CCDC138: variants seen among roughly 807,000 people sequenced by gnomAD.
CCDC138 encodes coiled-coil domain containing 138, also known as coiled-coil domain-containing protein 138.
Under a neutral mutation model 82.3 loss-of-function variants are expected in CCDC138, and 66 were observed. The ratio of observed to expected loss-of-function variants is 0.80; its 90% CI spans 0.66 to 0.98. The LOEUF is 0.98. Among genes scored for constraint, CCDC138 ranks in the 50% least tolerant of loss-of-function variants. The pLI, the probability that CCDC138 is intolerant of heterozygous loss-of-function variation, is 0.00. For synonymous variants in CCDC138, 297 were observed against 265.4 expected, an observed-to-expected ratio of 1.12 and a Z score of -1.16; for missense variants, 816 against 758.9, an observed-to-expected ratio of 1.08 and a Z score of -0.88.
In CCDC138 at chr2:108,875,186, ACTAGACAAGGAAATAAGAAACAAAG is replaced by A. The variant is rs539060068; in HGVS notation, c.1833-854_1833-830del. Among the ~76,000 whole-genome samples, 265 of 151,930 alleles carry A rather than the reference ACTAGACAAGGAAATAAGAAACAAAG, an allele frequency of 1.7e-3. 9 individuals are homozygous for A. The South Asian group carries it at 0.052, about 30-fold the overall frequency. On this transcript the variant is annotated intron_variant, in intron 14 of 14. Coordinates refer to ENST00000295124, the MANE Select transcript of CCDC138 (RefSeq NM_144978.3). ...CTCTCTCAAGAGAGTTTGTCAAATA[ACTAGACAAGGAAATAAGAAACAAAG>A]CTAGACAAGGAAATAAGAAACAAAG...
intron 10 of CCDC138, among the ~76,000 whole-genome samples, chr2:108,834,707 T>C (rs1330755433): frequency 6.6e-6 from 1 of 152,216 alleles, no homozygotes; most frequent in Non-Finnish European, 1.5e-5. Flanking sequence ...ATTTCAAGAA[T>C]TTTTCATTAT....
At position 108,825,357 on chromosome 2, in the gene CCDC138, GT is replaced by G. The variant is rs573966788; in HGVS notation, c.1206+9261del. Among the ~76,000 whole-genome samples, 14 of 150,532 alleles carry G rather than the reference GT, an allele frequency of 9.3e-5. No homozygotes were observed. In the East Asian group the frequency reaches 1.2e-3, roughly 13 times the overall value. ...TAGCATTTTAACTGTGCAATTCAGT[GT>G]TTTTTTTTCTTTATTCACAGAGTTG... On this transcript the variant is annotated intron_variant, in intron 10 of 14. Coordinates refer to ENST00000295124, the MANE Select transcript of CCDC138 (RefSeq NM_144978.3).
intron 5 of CCDC138, 106 bp from the exon 6 acceptor site, chr2:108,798,322 G>A (rs749385374): frequency 4.9e-6 from 6 of 1,236,752 alleles, no homozygotes; most frequent in Non-Finnish European, 6.8e-6. Context: ...AGGTACCCCT[G>A]TATTCCTGAA....
chr2:108,853,924 TATATATAATTTATATATAATATACAATAA>T (rs1190409095), intron 12 of CCDC138, among the ~76,000 whole-genome samples: 14 of 115,234 alleles, frequency 1.2e-4, no homozygotes, highest in African/African-American at 5.4e-4. Flanking sequence ...GTATATATAT[TATATATAATTTATATATAATATACAATAA>T]ATATATATAA....
At chr2:108,815,109 CAG>C (rs150663926) in intron 9 of CCDC138, among the ~76,000 whole-genome samples, 3,306 of 152,040 alleles carry the variant, frequency 0.022, 114 homozygotes, top group African/African-American at 0.076. Flanking sequence ...GGTAGGCTGT[CAG>C]AGGACAAGAT....
chr2:108,856,751 A>G (rs780808249), intron 12 of CCDC138, 43 bp from the exon 13 acceptor site: 1 of 1,583,752 alleles, frequency 6.3e-7, no homozygotes, highest in South Asian at 1.2e-5. Context: ...ATTGACACCT[A>G]GACTAGCAAA....
chr2:108,871,267 TCATGCCTGTAATCC>T (rs1379328185), intron 13 of CCDC138, among the ~76,000 whole-genome samples: 1 of 151,078 alleles, frequency 6.6e-6, no homozygotes, highest in Non-Finnish European at 1.5e-5. Flanking sequence ...GTGTGGTGTC[TCATGCCTGTAATCC>T]CAGCACTTTG....
At chr2:108,871,597 C>T (rs1323496254) in intron 13 of CCDC138, among the ~76,000 whole-genome samples, 3 of 151,932 alleles carry the variant, frequency 2.0e-5, no homozygotes, top group Non-Finnish European at 2.9e-5. Context: ...AGATAAAAAA[C>T]ATTGTCCCAT....
downstream of CCDC138, among the ~76,000 whole-genome samples, chr2:108,878,669 TTAAA>T (rs1311419648): frequency 4.6e-5 from 7 of 152,198 alleles, no homozygotes; most frequent in Non-Finnish European, 1.0e-4. Flanking sequence ...AAAATTGTTT[TTAAA>T]TAATGGGAAA....
At chr2:108,803,377 A>G (rs1682304957) in intron 6 of CCDC138, among the ~76,000 whole-genome samples, 1 of 103,680 alleles carries the variant, frequency 9.6e-6, no homozygotes, top group Non-Finnish European at 2.1e-5. Context: ...CTTGCCAGGA[A>G]GACTGGTTTT....
At position 108,827,817 on chromosome 2, in the gene CCDC138, A is replaced by T. The variant is rs955692621; in HGVS notation, c.1207-11368A>T. Among the ~76,000 whole-genome samples the T allele has an allele frequency of 4.5e-3, 657 of 147,576 alleles. 4 individuals carry two copies. Among genetic ancestry groups the T allele is most frequent in the African/African-American group, 0.015 (627 of 40,494 alleles). On this transcript the variant is annotated intron_variant, in intron 10 of 14. Coordinates refer to ENST00000295124, the MANE Select transcript of CCDC138 (RefSeq NM_144978.3). ...GGCGACAGAGAGAGAATATGTCTAA[A>T]AAAAAAAAAAAAAAATTAAAAAAAT...
chr2:108,879,232 A>G (rs1469079593), downstream of CCDC138, among the ~76,000 whole-genome samples: 1 of 152,220 alleles, frequency 6.6e-6, no homozygotes, highest in Non-Finnish European at 1.5e-5. Context: ...TCAGCCTTCC[A>G]GAATGCTGGG....
chr2:108,867,660 TC>T (rs1413631888), intron 13 of CCDC138, among the ~76,000 whole-genome samples: 2 of 152,180 alleles, frequency 1.3e-5, no homozygotes, highest in Non-Finnish European at 2.9e-5. Flanking sequence ...AGAGGAAAAT[TC>T]ATTTGGGTGT....
At chr2:108,864,613 T>C (rs146551561) in intron 13 of CCDC138, among the ~76,000 whole-genome samples, 58 of 152,076 alleles carry the variant, frequency 3.8e-4, no homozygotes, top group African/African-American at 1.3e-3. Flanking sequence ...CTGGCTAACA[T>C]GGTGAAACCC....
intron 12 of CCDC138, among the ~76,000 whole-genome samples, chr2:108,852,942 A>T (rs1382535938): frequency 6.6e-6 from 1 of 152,176 alleles, no homozygotes; most frequent in East Asian, 1.9e-4. Flanking sequence ...AGCAAATATA[A>T]TGTGTCACTG....
chr2:108,813,830 T>C (rs919307352), intron 9 of CCDC138, among the ~76,000 whole-genome samples: 1 of 152,238 alleles, frequency 6.6e-6, no homozygotes, highest in Non-Finnish European at 1.5e-5. Flanking sequence ...AAATTAGTTT[T>C]GCCTGTTTGA....
At chr2:108,802,836 T>G (rs1247948074) in intron 6 of CCDC138, among the ~76,000 whole-genome samples, 4 of 152,194 alleles carry the variant, frequency 2.6e-5, no homozygotes, top group African/African-American at 9.6e-5. Flanking sequence ...GTTTTCAGCA[T>G]GAAGGGTTGT....
At chr2:108,811,247 C>CTTTTTTTTTTTTTTTTTTTTTTTT (rs55661786) in intron 7 of CCDC138, among the ~76,000 whole-genome samples, 20 of 113,940 alleles carry the variant, frequency 1.8e-4, no homozygotes, top group African/African-American at 6.9e-4. Context: ...TTCTCTCTCT[C>CTTTTTTTTTTTTTTTTTTTTTTTT]TTTTTTTTTT....
At chr2:108,814,578 A>G (rs1684427462) in intron 9 of CCDC138, among the ~76,000 whole-genome samples, 1 of 151,838 alleles carries the variant, frequency 6.6e-6, no homozygotes, top group South Asian at 2.1e-4. Flanking sequence ...GTGGATTGCC[A>G]TCGGCTTAAT....
Sources: allele counts gnomAD v4.1 joint callset (sites outside exome capture counted in the v4.1 genomes callset), GRCh38; gene constraint gnomAD v4.1.1; transcripts MANE v1.5; gene names NCBI Gene and HGNC (gene_info 2026-07-23, HGNC 2026-07-21).